The following THAP4 variants were observed in gnomAD, a reference collection of about 807,000 sequenced individuals.
THAP4 encodes the protein peroxynitrite isomerase THAP4.
In THAP4, 18 loss-of-function variants were observed where a neutral mutation model predicts 48.1. The observed-to-expected ratio is 0.37, with a 90% CI of 0.26 to 0.56. The LOEUF (loss-of-function observed/expected upper bound fraction) is 0.56. THAP4 is among the 20% of genes least tolerant of loss of function. THAP4 has a pLI of 0.78. For synonymous variants in THAP4, 345 were observed against 324.9 expected (o/e 1.06, Z -0.66); for missense variants, 656 against 774.9 (o/e 0.85, Z 1.82).
At chr2:241,626,341 T>C (rs2067495477) in intron 2 of THAP4, among the ~76,000 whole-genome samples, 1 of 152,064 alleles carries the variant, frequency 6.6e-6, no homozygotes. Context: ...CTTGGGAGGC[T>C]GAGGCAGGAG....
chr2:241,637,231 G>C (rs1294281940), upstream of THAP4: 2 of 1,000,206 alleles, frequency 2.0e-6, no homozygotes, highest in Admixed American at 6.1e-5. Flanking sequence ...CCGCGGGTTC[G>C]GGCGTCTTCG....
At chr2:241,629,042 T>C (rs2067527766) in intron 2 of THAP4, among the ~76,000 whole-genome samples, 1 of 150,986 alleles carries the variant, frequency 6.6e-6, no homozygotes, top group African/African-American at 2.4e-5. Context: ...AATCTAATAA[T>C]CATGGTTGCT....
intron 2 of THAP4, among the ~76,000 whole-genome samples, chr2:241,629,746 T>C (rs181453486): frequency 6.6e-6 from 1 of 151,718 alleles, no homozygotes; most frequent in Admixed American, 6.6e-5. Context: ...ACAGGAAAAC[T>C]TATGCATCAA....
chr2:241,588,335 G>A (rs1160028107), intron 5 of THAP4, among the ~76,000 whole-genome samples: 1 of 152,162 alleles, frequency 6.6e-6, no homozygotes, highest in African/African-American at 2.4e-5. Flanking sequence ...CTGGATTGGA[G>A]GACTCAGTTT....
At chr2:241,591,121 G>A (rs1219611209) in intron 5 of THAP4, among the ~76,000 whole-genome samples, 2 of 90,196 alleles carry the variant, frequency 2.2e-5, no homozygotes, top group Non-Finnish European at 4.5e-5. Flanking sequence ...GGCTGACGAT[G>A]ATGGGCACTA....
intron 5 of THAP4, among the ~76,000 whole-genome samples, chr2:241,590,823 C>T (rs1475816187): frequency 6.6e-6 from 1 of 151,900 alleles, no homozygotes; most frequent in African/African-American, 2.4e-5. Flanking sequence ...GGCACTAGGA[C>T]ACGCAGAGCT....
intron 2 of THAP4, among the ~76,000 whole-genome samples, chr2:241,629,072 A>G (rs2067528172): frequency 6.6e-6 from 1 of 152,146 alleles, no homozygotes; most frequent in African/African-American, 2.4e-5. Flanking sequence ...AATAAGAAGC[A>G]CCGGAACTAA....
At chr2:241,604,624 G>A (rs573354077) in intron 3 of THAP4, among the ~76,000 whole-genome samples, 3 of 152,172 alleles carry the variant, frequency 2.0e-5, no homozygotes, top group Non-Finnish European at 4.4e-5. Context: ...TGGCCAGGCT[G>A]GTCTCGAACT....
rs1363766349 is a variant in THAP4, at chr2:241,601,870, C to T, written c.1614+26G>A. ...GACCGCTGCAAACAGAAGACAGGAG[C>T]GTGCTGGGAGCAGGGCTGGGCTCAC... On this transcript the variant is annotated intron_variant, in intron 5 of 5. Transcript: ENST00000407315. The surrounding 1 kb of genome is among the most constrained non-coding windows in gnomAD (Gnocchi z 4.0). 1.1e-5 allele frequency: 18 copies of T among 1,612,854 alleles called. No individual in the cohort carries two copies. The highest frequency in any genetic ancestry group is 1.7e-5 in the Admixed American group (1 of 59,892).
chr2:241,637,042 G>A lies in THAP4; in HGVS notation c.-25C>T. ...TCGCGGGCCTTGGCCCAGCCGCGCA[G>A]CCAGGCCCCGGCCCTAGCCGCCCGC... On this transcript the variant is annotated 5_prime_UTR_variant, in exon 1 of 6. Transcript: ENST00000407315. The A allele has an allele frequency of 3.3e-6, 4 of 1,228,562 alleles. No homozygotes were observed. Among genetic ancestry groups the A allele is most frequent in the South Asian group, 3.1e-5 (2 of 64,358 alleles). The allele number at this position is 1,228,562 out of a possible 1,614,324, so 76.1% of individuals were successfully genotyped here. A position where few individuals can be genotyped will look rare whatever the true frequency, so the allele number is the denominator to read the frequency against.
upstream of THAP4, chr2:241,637,534 C>A: frequency 6.9e-7 from 1 of 1,447,808 alleles, no homozygotes; most frequent in South Asian, 1.4e-5. Flanking sequence ...CGCCCCGGGG[C>A]TCGCGTCGGC....
chr2:241,592,695 G>A (rs899334214), intron 5 of THAP4, among the ~76,000 whole-genome samples: 2 of 152,222 alleles, frequency 1.3e-5, no homozygotes, highest in East Asian at 1.9e-4. Context: ...CGGTCTCTTC[G>A]AGAGGTTCCA....
chr2:241,603,357 C>T (rs2067142228), intron 3 of THAP4, among the ~76,000 whole-genome samples: 2 of 146,386 alleles, frequency 1.4e-5, no homozygotes, highest in South Asian at 2.2e-4. Flanking sequence ...GCCTGCTGAC[C>T]CTCAGCTCCT....
At chr2:241,624,159 T>C (rs746983575) in intron 2 of THAP4, among the ~76,000 whole-genome samples, 3 of 152,208 alleles carry the variant, frequency 2.0e-5, no homozygotes, top group Non-Finnish European at 4.4e-5. Context: ...AAAGAGTTTA[T>C]TTACTAATAC....
chr2:241,600,080 C>T (rs2067093762), intron 5 of THAP4, among the ~76,000 whole-genome samples: 1 of 152,068 alleles, frequency 6.6e-6, no homozygotes. Context: ...CCTGTAATCC[C>T]AGCTACTCGG....
intron 2 of THAP4, among the ~76,000 whole-genome samples, chr2:241,622,712 A>G (rs1376396563): frequency 1.3e-5 from 2 of 151,884 alleles, no homozygotes; most frequent in African/African-American, 4.8e-5. Context: ...CGATCCTCCT[A>G]CCTCAGCCTC....
rs201029315 is a variant in THAP4 at position 241,609,252 on chromosome 2, G to GT, written c.1241-2780dup. Among the ~76,000 whole-genome samples, 1,456 of 152,334 alleles carry GT rather than the reference G, an allele frequency of 9.6e-3. 19 individuals are homozygous for GT. The highest frequency in any genetic ancestry group is 0.033 in the African/African-American group (1,389 of 41,566). On this transcript the variant is annotated intron_variant, in intron 2 of 5. Transcript: ENST00000407315. ...TGCTGATGGTTTGGATGTGAAACAC[G>GT]TAAGAAAAGATGGTAACGGAGGTTT...
At chr2:241,627,662 A>G (rs1172066608) in intron 2 of THAP4, among the ~76,000 whole-genome samples, 1 of 152,220 alleles carries the variant, frequency 6.6e-6, no homozygotes, top group Non-Finnish European at 1.5e-5. Context: ...AGAATGACCC[A>G]AAGAGTCTGT....
chr2:241,601,861 A>C lies in THAP4; in HGVS notation c.1614+35T>G. 2 of 1,612,352 alleles carry C rather than the reference A, an allele frequency of 1.2e-6. No individual in the cohort carries two copies. Among genetic ancestry groups the C allele is most frequent in the Middle Eastern group, 1.7e-4 (1 of 6,060 alleles). On this transcript the variant is annotated intron_variant, in intron 5 of 5. Transcript: ENST00000407315. The surrounding 1 kb of genome is among the most constrained non-coding windows in gnomAD (Gnocchi z 4.0). ...GACTCCACAGACCGCTGCAAACAGAAGACAGGAGCGTGCTGGGAGCAGGGC... is the reference window on the plus strand; with the variant it reads ...GACTCCACAGACCGCTGCAAACAGACGACAGGAGCGTGCTGGGAGCAGGGC...
Sources: allele counts gnomAD v4.1 joint callset (sites outside exome capture counted in the v4.1 genomes callset), GRCh38; gene constraint gnomAD v4.1.1; non-coding constraint Gnocchi (gnomAD v3.1); transcripts MANE v1.5; gene names NCBI Gene and HGNC (gene_info 2026-07-23, HGNC 2026-07-21).